Variants in JMY observed in about 807,000 individuals in gnomAD.
The protein encoded by JMY is junction-mediating and -regulatory protein.
Under a neutral mutation model 103.3 loss-of-function variants are expected in JMY, and 46 were observed. The observed-to-expected ratio is 0.45, with a 90% CI of 0.35 to 0.57. The LOEUF (loss-of-function observed/expected upper bound fraction) is 0.57, where lower values mean the gene tolerates loss of function less well. JMY is among the 20% of genes least tolerant of loss of function. The pLI, the probability that JMY is intolerant of heterozygous loss-of-function variation, is 0.00. For synonymous variants in JMY, 526 were observed against 489.3 expected (o/e 1.07, Z -0.99); for missense variants, 1,238 against 1,255.2 (o/e 0.99, Z 0.21).
chr5:79,243,463 C>A (rs537070818), intron 1 of JMY, among the ~76,000 whole-genome samples: 142 of 152,220 alleles, frequency 9.3e-4, no homozygotes, highest in African/African-American at 3.3e-3. Flanking sequence ...TAATATGATT[C>A]CAATGAAGAG....
chr5:79,302,916 A>T (rs1017911398), intron 6 of JMY, among the ~76,000 whole-genome samples: 5 of 152,154 alleles, frequency 3.3e-5, no homozygotes, highest in Non-Finnish European at 7.3e-5. Flanking sequence ...AACTGTCTAG[A>T]TCTGACACTT....
intron 1 of JMY, among the ~76,000 whole-genome samples, chr5:79,239,932 T>A (rs1744682456): frequency 6.6e-6 from 1 of 152,108 alleles, no homozygotes; most frequent in Non-Finnish European, 1.5e-5. Context: ...AAAAAGGGGA[T>A]TACATTTTTT....
rs1744497873 is a variant in JMY, at chr5:79,236,506, C to CT, written c.-145_-144insT. 1 of 546,328 alleles carries CT rather than the reference C, an allele frequency of 1.8e-6. No individual in the cohort carries two copies. Among genetic ancestry groups the CT allele is most frequent in the Non-Finnish European group, 2.9e-6 (1 of 350,064 alleles). The allele number at this position is 546,328 out of a possible 1,614,324, so 33.8% of individuals were successfully genotyped here. ...GGCGGTCGGGGCGCGGAGGGACAGGCGAACGAGCCGGGAGAGCCGGCCGGC... is the reference window on the plus strand; with the variant it reads ...GGCGGTCGGGGCGCGGAGGGACAGGCTGAACGAGCCGGGAGAGCCGGCCGGC... On this transcript the variant is annotated 5_prime_UTR_variant, in exon 1 of 11. Coordinates refer to ENST00000396137, the MANE Select transcript of JMY (RefSeq NM_152405.5).
intron 6 of JMY, among the ~76,000 whole-genome samples, chr5:79,305,156 GA>G (rs1344012704): frequency 1.3e-5 from 2 of 152,098 alleles, no homozygotes; most frequent in African/African-American, 2.4e-5. Context: ...CTAATTGAAA[GA>G]GTGATCATTT....
Position 79,237,949 on chromosome 5 carries a change from T to C in JMY, c.1032+267T>C, listed in dbSNP as rs1034126322. Reference sequence around the variant, plus strand: ...TCTGTGTACTACTCAGTACTGGTAATGCGCAATTAAAGCCACTAAGAAAAG... The same window carrying C: ...TCTGTGTACTACTCAGTACTGGTAACGCGCAATTAAAGCCACTAAGAAAAG... On this transcript the variant is annotated intron_variant, in intron 1 of 10. Transcript: ENST00000396137. 3.9e-5 allele frequency among the ~76,000 whole-genome samples: 6 copies of C among 152,062 alleles called. No homozygotes were observed. In the East Asian group the frequency reaches 5.8e-4, roughly 15 times the overall value.
rs1209915075 is a variant in JMY at position 79,322,305 on chromosome 5, A to G, written c.*703A>G. The G allele has an allele frequency of 6.6e-6, 1 of 152,208 alleles. No individual in the cohort carries two copies. Among genetic ancestry groups the G allele is most frequent in the African/African-American group, 2.4e-5 (1 of 41,458 alleles). The allele number at this position is 152,208 out of a possible 1,614,324, so 9.4% of individuals were successfully genotyped here. On this transcript the variant is annotated 3_prime_UTR_variant, in exon 11 of 11. Coordinates refer to ENST00000396137, the MANE Select transcript of JMY (RefSeq NM_152405.5). ...GGTTTTGAAGTTTCCGTGCTTTTAA[A>G]TCACTCTTCATATTTCTTGAATTTA...
chr5:79,278,793 C>CTTTTTT (rs533961398), intron 2 of JMY, among the ~76,000 whole-genome samples: 1 of 114,172 alleles, frequency 8.8e-6, no homozygotes, highest in Non-Finnish European at 1.8e-5. Context: ...GGGAACATTT[C>CTTTTTT]TTTTTTTTTT....
intron 7 of JMY, among the ~76,000 whole-genome samples, chr5:79,309,284 G>A (rs1486833402): frequency 6.6e-6 from 1 of 152,042 alleles, no homozygotes; most frequent in Non-Finnish European, 1.5e-5. Context: ...GTAGGTTTTG[G>A]GATAGATGTT....
intron 1 of JMY, among the ~76,000 whole-genome samples, chr5:79,255,809 A>G (rs1475706957): frequency 6.6e-6 from 1 of 152,218 alleles, no homozygotes; most frequent in African/African-American, 2.4e-5. Context: ...GTTCTGAGCC[A>G]TCTAGACCTG....
At chr5:79,308,892 C>T (rs1746964787) in intron 7 of JMY, among the ~76,000 whole-genome samples, 1 of 151,988 alleles carries the variant, frequency 6.6e-6, no homozygotes, top group Non-Finnish European at 1.5e-5. Flanking sequence ...AGATCTTGTA[C>T]ACCTTTTGTA....
intron 1 of JMY, among the ~76,000 whole-genome samples, chr5:79,266,599 GTTCTTCCAA>G (rs1745594231): frequency 1.3e-5 from 2 of 152,154 alleles, no homozygotes; most frequent in Non-Finnish European, 2.9e-5. Context: ...GTACATTACA[GTTCTTCCAA>G]CTGTTTTGAA....
chr5:79,275,327 A>T (rs1745908185), intron 1 of JMY, among the ~76,000 whole-genome samples: 1 of 151,588 alleles, frequency 6.6e-6, no homozygotes, highest in Non-Finnish European at 1.5e-5. Context: ...CGCCTGGCTA[A>T]TTTTTTTGTA....
At chr5:79,265,126 T>A (rs369537100) in intron 1 of JMY, among the ~76,000 whole-genome samples, 1 of 152,084 alleles carries the variant, frequency 6.6e-6, no homozygotes, top group Non-Finnish European at 1.5e-5. Context: ...AGGTTTCACC[T>A]TGTTAGCCAG....
intron 1 of JMY, among the ~76,000 whole-genome samples, chr5:79,258,297 CT>C (rs1225930409): frequency 7.2e-6 from 1 of 139,440 alleles, no homozygotes; most frequent in Non-Finnish European, 1.5e-5. Context: ...GATATTAGGG[CT>C]TTTTTTGTTT....
chr5:79,268,479 T>TTTTA (rs1554049513), intron 1 of JMY, among the ~76,000 whole-genome samples: 31 of 149,854 alleles, frequency 2.1e-4, no homozygotes, highest in African/African-American at 4.1e-4. Flanking sequence ...TTTATTTATT[T>TTTTA]TTTATTTATT....
At chr5:79,320,341 GTCTTT>G (rs10548374) in intron 10 of JMY, among the ~76,000 whole-genome samples, 96,972 of 150,192 alleles carry the variant, frequency 0.65, 31,601 homozygotes, top group African/African-American at 0.77. Flanking sequence ...TCCTGTGAGA[GTCTTT>G]TTTTTTTTTT....
intron 2 of JMY, among the ~76,000 whole-genome samples, chr5:79,283,724 T>C (rs894231032): frequency 6.6e-6 from 1 of 152,204 alleles, no homozygotes; most frequent in Non-Finnish European, 1.5e-5. Context: ...ACTGAAACTC[T>C]AGGAATGGAC....
At chr5:79,281,015 AAAG>A in intron 2 of JMY, among the ~76,000 whole-genome samples, 1 of 151,504 alleles carries the variant, frequency 6.6e-6, no homozygotes, top group Admixed American at 6.6e-5. Flanking sequence ...TAATAGAAAA[AAAG>A]AAAATAATTT....
intron 1 of JMY, among the ~76,000 whole-genome samples, chr5:79,256,320 C>T (rs1287613675): frequency 1.3e-5 from 2 of 152,140 alleles, no homozygotes; most frequent in Non-Finnish European, 2.9e-5. Context: ...TTCAACCACC[C>T]TTCAGGGCAG....
Sources: allele counts gnomAD v4.1 joint callset (sites outside exome capture counted in the v4.1 genomes callset), GRCh38; gene constraint gnomAD v4.1.1; transcripts MANE v1.5; gene names NCBI Gene and HGNC (gene_info 2026-07-23, HGNC 2026-07-21).